CATSPER3: variants seen among roughly 807,000 people sequenced by gnomAD.
CATSPER3 encodes the protein cation channel sperm-associated protein 3.
In CATSPER3, 23 loss-of-function variants were observed where a neutral mutation model predicts 36.6. The ratio of observed to expected loss-of-function variants is 0.63; its 90% CI spans 0.45 to 0.89. CATSPER3 has a LOEUF of 0.89. Ranked by LOEUF, CATSPER3 falls within the 40% of genes least tolerant of loss-of-function variation. The pLI is 0.00. For missense variants in CATSPER3, 474 were observed against 503.9 expected (o/e 0.94, Z 0.57); for synonymous variants, 172 against 184.1 (o/e 0.93, Z 0.53).
chr5:134,987,581 G>A, intron 2 of CATSPER3, among the ~76,000 whole-genome samples: 1 of 152,120 alleles, frequency 6.6e-6, no homozygotes, highest in South Asian at 2.1e-4. Context: ...ACAAACTGGA[G>A]CCAGAAGCAT....
At chr5:134,996,637 GTTGATCTTTACCAATATTATCTCA>G (rs1396033156) in intron 3 of CATSPER3, 125 bp downstream of exon 3, 2 of 867,174 alleles carry the variant, frequency 2.3e-6, no homozygotes, top group Non-Finnish European at 3.7e-6. Flanking sequence ...TGTGTGGCAG[GTTGATCTTTACCAATATTATCTCA>G]TTTAATCTTA....
intron 3 of CATSPER3, among the ~76,000 whole-genome samples, chr5:135,003,224 A>G (rs1378326626): frequency 1.3e-5 from 2 of 152,114 alleles, no homozygotes; most frequent in African/African-American, 4.8e-5. Flanking sequence ...TCCACTCCAG[A>G]CCCTGTTTGC....
At chr5:134,991,008 A>G (rs968022777) in intron 2 of CATSPER3, among the ~76,000 whole-genome samples, 1 of 152,258 alleles carries the variant, frequency 6.6e-6, no homozygotes, top group African/African-American at 2.4e-5. Flanking sequence ...CTATCAATTA[A>G]CAATCTGAAA....
At chr5:134,982,484 A>G (rs752669696) in intron 2 of CATSPER3, among the ~76,000 whole-genome samples, 3 of 152,228 alleles carry the variant, frequency 2.0e-5, no homozygotes, top group Admixed American at 6.5e-5. Context: ...AGAAACCTCA[A>G]TAAGATTAAC....
rs1286825093 is a variant in CATSPER3, at chr5:135,001,960, A to C, written c.492+5448A>C. ...TTTAATTGGAGCATTGAGCCCATTT[A>C]CATTTAAGGTTAATATTGTTATGTG... On this transcript the variant is annotated intron_variant, in intron 3 of 7. Coordinates refer to ENST00000282611, the MANE Select transcript of CATSPER3 (RefSeq NM_178019.3). 3.3e-5 allele frequency among the ~76,000 whole-genome samples: 5 copies of C among 152,342 alleles called. No individual in the cohort carries two copies. The East Asian group carries it at 9.6e-4, about 29-fold the overall frequency.
chr5:135,006,578 T>C (rs1752088089), intron 3 of CATSPER3, among the ~76,000 whole-genome samples: 2 of 152,032 alleles, frequency 1.3e-5, no homozygotes, highest in Admixed American at 6.6e-5. Context: ...GGCTCACACC[T>C]GTAATCCCAG....
rs1325084974 is a variant in CATSPER3 at position 135,009,485 on chromosome 5, A to C, written c.931A>C (p.Ile311Leu). The change falls in exon 6 of 8, where the codon ATA becomes CTA. Residue 311 changes from isoleucine (I) to leucine (L), a missense_variant. Ile to Leu is a conservative substitution (Grantham distance 5). Transcript: ENST00000282611. ...QQEEISRLMH[I>L]QKNADCTSFS... ...GGAGGAGATCAGCAGGCTGATGCAC[A>C]TACAGGTGAGTGGCCCCTGCAGGCA... 5.5e-6 allele frequency: 8 copies of C among 1,466,288 alleles called. No homozygotes were observed. The highest frequency in any genetic ancestry group is 7.2e-6 in the Non-Finnish European group (8 of 1,106,184). The allele number at this position is 1,466,288 out of a possible 1,614,324, so 90.8% of individuals were successfully genotyped here. A position where few individuals can be genotyped will look rare whatever the true frequency, so the allele number is the denominator to read the frequency against.
At chr5:134,972,976 AG>A (rs1751624814) in intron 2 of CATSPER3, among the ~76,000 whole-genome samples, 2 of 152,236 alleles carry the variant, frequency 1.3e-5, no homozygotes, top group Non-Finnish European at 2.9e-5. Flanking sequence ...AAAAGAAAAT[AG>A]AGTTACATAT....
In CATSPER3 at chr5:135,010,483, C is replaced by T. The variant is rs140770176; in HGVS notation, c.1047C>T (p.Ile349=). 3,877 of 1,614,036 alleles carry T rather than the reference C, an allele frequency of 2.4e-3. 8 individuals are homozygous for T. The highest frequency in any genetic ancestry group is 7.8e-3 in the Admixed American group (470 of 60,030). The change falls in exon 7 of 8, where the codon ATC becomes ATT. Residue 349 remains isoleucine (I), a synonymous_variant. Transcript: ENST00000282611. ...LDDFGTSLPF[I]DIYFSTLDYQ... is the part of the protein sequence containing the mutation. ...ATTTTGGCACTAGCTTACCCTTCATCGATATCTACTTTTCCACTCTGGACT... is the reference window on the plus strand; with the variant it reads ...ATTTTGGCACTAGCTTACCCTTCATTGATATCTACTTTTCCACTCTGGACT...
At chr5:134,970,217 G>A (rs913781189) in intron 2 of CATSPER3, 125 bp downstream of exon 2, 7 of 912,006 alleles carry the variant, frequency 7.7e-6, no homozygotes, top group African/African-American at 5.0e-5. Context: ...GTGCAGTGGC[G>A]TGATCTCAGC....
chr5:134,996,677 A>G (rs1751953893), intron 3 of CATSPER3, among the ~76,000 whole-genome samples, 165 bp downstream of exon 3: 1 of 152,230 alleles, frequency 6.6e-6, no homozygotes, highest in African/African-American at 2.4e-5. Context: ...TCTTAAAACA[A>G]TTCTAAGAAT....
rs1322704371 is a variant in CATSPER3 at position 135,008,158 on chromosome 5, G to A, written c.675+19G>A. Reference sequence around the variant, plus strand: ...GGCCACGGTACTGTGTTTGGGAACAGTGGTGAGGGCAGGGGCCTTAGGAAG... The same window carrying A: ...GGCCACGGTACTGTGTTTGGGAACAATGGTGAGGGCAGGGGCCTTAGGAAG... On this transcript the variant is annotated intron_variant, in intron 4 of 7. Transcript: ENST00000282611. 6.2e-7 allele frequency: 1 copy of A among 1,609,678 alleles called. No individual in the cohort carries two copies. The highest frequency in any genetic ancestry group is 1.7e-5 in the Admixed American group (1 of 60,008).
intron 5 of CATSPER3, 64 bp from the exon 6 acceptor site, chr5:135,009,306 AG>A: frequency 6.4e-7 from 1 of 1,555,658 alleles, no homozygotes; most frequent in Non-Finnish European, 8.9e-7. Context: ...ACTGGGGAAG[AG>A]GAAAGACTGG....
At chr5:134,985,066 A>T (rs1279901512) in intron 2 of CATSPER3, among the ~76,000 whole-genome samples, 3 of 152,092 alleles carry the variant, frequency 2.0e-5, no homozygotes, top group African/African-American at 7.2e-5. Context: ...TGATCTGCCC[A>T]CCTCAGCCTC....
intron 2 of CATSPER3, among the ~76,000 whole-genome samples, chr5:134,977,982 C>CTT (rs1056709325): frequency 9.2e-5 from 14 of 152,174 alleles, no homozygotes; most frequent in Non-Finnish European, 1.5e-4. Flanking sequence ...TGAGAACTCA[C>CTT]TTATCACCAA....
chr5:135,004,412 C>G (rs766604225), intron 3 of CATSPER3, among the ~76,000 whole-genome samples: 1 of 152,194 alleles, frequency 6.6e-6, no homozygotes, highest in Non-Finnish European at 1.5e-5. Context: ...ACAGACAGAC[C>G]TTGCAGTGTG....
chr5:134,990,764 C>T (rs1751869168), intron 2 of CATSPER3, among the ~76,000 whole-genome samples: 1 of 152,182 alleles, frequency 6.6e-6, no homozygotes. Flanking sequence ...GCAGGATCTG[C>T]ACAGTGCAAT....
intron 3 of CATSPER3, among the ~76,000 whole-genome samples, chr5:135,003,717 T>C (rs942046724): frequency 1.3e-5 from 2 of 152,244 alleles, no homozygotes; most frequent in South Asian, 2.1e-4. Context: ...GTGCTAGCAA[T>C]AAGCAAGTCT....
rs144102259 is a variant in CATSPER3, at chr5:135,007,208, C to T, written c.493-749C>T. 1.1e-3 allele frequency among the ~76,000 whole-genome samples: 160 copies of T among 152,240 alleles called. 1 individual carries two copies. Among genetic ancestry groups the T allele is most frequent in the African/African-American group, 2.9e-3 (120 of 41,530 alleles). ...CATTGTATTGGAGTGTGACCCTGGC[C>T]AAGACAATTTGCTTCTTTGAGCCTC... On this transcript the variant is annotated intron_variant, in intron 3 of 7. Transcript: ENST00000282611.
Sources: gnomAD v4.1 joint callset for allele counts (sites outside exome capture counted in the v4.1 genomes callset) on GRCh38, gnomAD v4.1.1 for gene constraint, MANE v1.5 for transcripts, NCBI Gene and HGNC (gene_info 2026-07-23, HGNC 2026-07-21) for gene names.